The following ITGB3BP variants were observed in gnomAD, a reference collection of about 807,000 sequenced individuals.
The protein encoded by ITGB3BP is integrin subunit beta 3 binding protein.
In ITGB3BP, 27 loss-of-function variants were observed where a neutral mutation model predicts 29.1. The ratio of observed to expected loss-of-function variants is 0.93; its 90% CI spans 0.68 to 1.28. The LOEUF is 1.28. ITGB3BP is among the 50% of genes most tolerant of loss of function. The pLI is 0.00. For synonymous variants in ITGB3BP, 61 were observed against 61.4 expected (o/e 0.99, Z 0.03); for missense variants, 192 against 200.2 (o/e 0.96, Z 0.25).
intron 2 of ITGB3BP, among the ~76,000 whole-genome samples, chr1:63,500,385 A>C (rs190184120): frequency 6.0e-4 from 91 of 152,272 alleles, no homozygotes; most frequent in African/African-American, 1.9e-3. Context: ...CTCAAAACAA[A>C]AAAAAAAGAA....
At chr1:63,483,021 A>G (rs1379659761) in intron 3 of ITGB3BP, among the ~76,000 whole-genome samples, 1 of 152,224 alleles carries the variant, frequency 6.6e-6, no homozygotes, top group Non-Finnish European at 1.5e-5. Context: ...ATATAATAAT[A>G]TTCTTAAAAT....
chr1:63,443,620 G>A (rs1445586079), intron 8 of ITGB3BP, among the ~76,000 whole-genome samples: 5 of 152,138 alleles, frequency 3.3e-5, no homozygotes, highest in Admixed American at 3.3e-4. Flanking sequence ...CCAGTAGCAG[G>A]ATAGGCTGTA....
intron 3 of ITGB3BP, among the ~76,000 whole-genome samples, chr1:63,482,916 A>G (rs945638907): frequency 6.6e-6 from 1 of 152,170 alleles, no homozygotes; most frequent in Non-Finnish European, 1.5e-5. Context: ...AGCCCCCCAA[A>G]GTGCTGGGAT....
At chr1:63,501,942 C>T (rs1051698523) in intron 2 of ITGB3BP, among the ~76,000 whole-genome samples, 1 of 152,066 alleles carries the variant, frequency 6.6e-6, no homozygotes, top group African/African-American at 2.4e-5. Flanking sequence ...GCAAACCTCC[C>T]CAACAAAACC....
intron 1 of ITGB3BP, among the ~76,000 whole-genome samples, chr1:63,510,925 A>G (rs1646187096): frequency 6.6e-6 from 1 of 152,214 alleles, no homozygotes; most frequent in Non-Finnish European, 1.5e-5. Context: ...GAAGAGACGG[A>G]TGAAACATAT....
intron 7 of ITGB3BP, among the ~76,000 whole-genome samples, chr1:63,453,397 A>T (rs1217290464): frequency 6.6e-6 from 1 of 152,150 alleles, no homozygotes; most frequent in Non-Finnish European, 1.5e-5. Context: ...TACTTTGCTT[A>T]TTGAGGTGTG....
At chr1:63,462,473 T>C (rs969340232) in intron 4 of ITGB3BP, among the ~76,000 whole-genome samples, 22 of 152,232 alleles carry the variant, frequency 1.4e-4, no homozygotes, top group African/African-American at 3.6e-4. Context: ...TTTTCTTATC[T>C]AATTGCTCTG....
upstream of ITGB3BP, among the ~76,000 whole-genome samples, chr1:63,526,788 G>A (rs970623937): frequency 2.7e-5 from 4 of 150,460 alleles, no homozygotes; most frequent in Admixed American, 6.6e-5. Flanking sequence ...TTTTTGAGAC[G>A]GAGTCTTGCT....
intron 2 of ITGB3BP, among the ~76,000 whole-genome samples, chr1:63,498,302 G>T (rs561999473): frequency 1.3e-5 from 2 of 152,072 alleles, no homozygotes; most frequent in East Asian, 3.9e-4. Context: ...ACAACATGTT[G>T]GGCCACAAAA....
chr1:63,490,132 A>C lies in ITGB3BP; in HGVS notation c.135T>G (p.Ala45=). 1.2e-6 allele frequency: 2 copies of C among 1,610,724 alleles called. No homozygotes were observed. ...TTTGCTCTTCAGAACTTGTGGGAGA[A>C]GCAAATAGACTCATTTGACAAGTTC... ...TTGTCQMSLF[A]SPTSSEEQKH... The change falls in exon 3 of 9, where the codon GCT becomes GCG. Residue 45 remains alanine (A), a synonymous_variant. Transcript: ENST00000271002.
At chr1:63,448,374 CAA>C (rs577940273) in intron 7 of ITGB3BP, among the ~76,000 whole-genome samples, 95 of 150,844 alleles carry the variant, frequency 6.3e-4, no homozygotes, top group African/African-American at 2.2e-3. Context: ...GGAAAGGTAG[CAA>C]AGTGTTCTGG....
upstream of ITGB3BP, chr1:63,523,450 T>C (rs886454371): frequency 4.5e-6 from 2 of 448,786 alleles, no homozygotes; most frequent in Non-Finnish European, 8.2e-6. Context: ...GCGCTCCGGA[T>C]CAGCGCTTCC....
At chr1:63,455,714 T>G (rs1250938892) in intron 4 of ITGB3BP, among the ~76,000 whole-genome samples, 1 of 152,158 alleles carries the variant, frequency 6.6e-6, no homozygotes, top group African/African-American at 2.4e-5. Context: ...ATTTAAACAT[T>G]CCCTTATTGT....
intron 4 of ITGB3BP, among the ~76,000 whole-genome samples, chr1:63,468,636 C>A (rs950693744): frequency 6.6e-5 from 10 of 151,056 alleles, no homozygotes; most frequent in Admixed American, 4.0e-4. Context: ...CCGAGGCGGG[C>A]GGACCACCTG....
At chr1:63,485,521 T>C (rs79250586) in intron 3 of ITGB3BP, among the ~76,000 whole-genome samples, 4 of 151,950 alleles carry the variant, frequency 2.6e-5, no homozygotes, top group African/African-American at 7.2e-5. Flanking sequence ...TTTTGCTTTA[T>C]AGTCAGCAAA....
intron 1 of ITGB3BP, among the ~76,000 whole-genome samples, chr1:63,521,391 G>C (rs1646440919): frequency 6.6e-6 from 1 of 151,778 alleles, no homozygotes; most frequent in Admixed American, 6.6e-5. Flanking sequence ...AATTAGCAAA[G>C]TAATTGCTAG....
chr1:63,472,071 T>A (rs906711574), intron 4 of ITGB3BP, among the ~76,000 whole-genome samples: 8 of 151,634 alleles, frequency 5.3e-5, no homozygotes, highest in African/African-American at 9.7e-5. Context: ...TTTTTTTTTT[T>A]AAATCTGAAC....
Position 63,447,642 on chromosome 1 carries a change from A to G in ITGB3BP, c.485-786T>C, listed in dbSNP as rs1229463164. On this transcript the variant is annotated intron_variant, in intron 7 of 8. Transcript: ENST00000271002. ...TAAAGGATGAGCAGGAGTTTGTAAG[A>G]CAGAGAAAAAAGCAATCATTAAAAA... 6.2e-6 allele frequency: 3 copies of G among 482,440 alleles called. No homozygotes were observed. The East Asian group carries it at 1.8e-4, about 29-fold the overall frequency. 29.9% of individuals were successfully genotyped at this position (482,440 alleles called of 1,614,324 possible). A position where few individuals can be genotyped will look rare whatever the true frequency, so the allele number is the denominator to read the frequency against.
At chr1:63,524,772 C>G (rs577456316), upstream of ITGB3BP, among the ~76,000 whole-genome samples, 6 of 152,216 alleles carry the variant, frequency 3.9e-5, no homozygotes, top group South Asian at 1.0e-3. Context: ...AGCTGGGTGA[C>G]ATTGCTACCC....
Sources: gnomAD v4.1 joint callset for allele counts (sites outside exome capture counted in the v4.1 genomes callset) on GRCh38, gnomAD v4.1.1 for gene constraint, MANE v1.5 for transcripts, NCBI Gene and HGNC (gene_info 2026-07-23, HGNC 2026-07-21) for gene names.